Variants in ELMO1 observed in about 807,000 individuals in gnomAD.
ELMO1 encodes the protein engulfment and cell motility 1.
A neutral mutation model predicts 98.9 loss-of-function variants in ELMO1; 26 were observed. The observed-to-expected ratio is 0.26, with a 90% CI of 0.19 to 0.36. The LOEUF (loss-of-function observed/expected upper bound fraction) is 0.36, where lower values mean the gene tolerates loss of function less well. Ranked by LOEUF, ELMO1 falls within the 10% of genes least tolerant of loss-of-function variation. The pLI is 1.00. For synonymous variants in ELMO1, 346 were observed against 346.0 expected (o/e 1.00, Z 0.00); for missense variants, 627 against 935.2 (o/e 0.67, Z 4.30).
chr7:37,311,325 G>T (rs997986383), intron 4 of ELMO1, among the ~76,000 whole-genome samples: 1 of 151,454 alleles, frequency 6.6e-6, no homozygotes, highest in Non-Finnish European at 1.5e-5. Flanking sequence ...GCCAGCTAGA[G>T]AATTTTTTTT....
At chr7:36,945,573 A>G (rs2129099451) in intron 16 of ELMO1, among the ~76,000 whole-genome samples, 1 of 152,360 alleles carries the variant, frequency 6.6e-6, no homozygotes, top group Non-Finnish European at 1.5e-5. Flanking sequence ...TAGTTGAAAA[A>G]TAAGAATGCC....
At position 36,855,165 on chromosome 7, in the gene ELMO1, CCCTTGGTCTGGTGGGCAAGTTTTT is replaced by C; in HGVS notation, c.*362_*385del. 1 of 267,298 alleles carries C rather than the reference CCCTTGGTCTGGTGGGCAAGTTTTT, an allele frequency of 3.7e-6. No homozygotes were observed. The highest frequency in any genetic ancestry group is 9.4e-5 in the East Asian group (1 of 10,674). The allele number at this position is 267,298 out of a possible 1,614,324, so 16.6% of individuals were successfully genotyped here. ...TCCAGACAGGGGCCTTGGGGCACTG[CCCTTGGTCTGGTGGGCAAGTTTTT>C]GGGCAGTCTGGGGCTGCTGGCTTTC... On this transcript the variant is annotated 3_prime_UTR_variant, in exon 22 of 22. Transcript: ENST00000310758. This position sits in a 1 kb window ranked among gnomAD's most constrained non-coding sequence, Gnocchi z 4.2.
intron 1 of ELMO1, among the ~76,000 whole-genome samples, chr7:37,368,421 T>C (rs143270637): frequency 1.2e-3 from 186 of 152,258 alleles, no homozygotes; most frequent in African/African-American, 4.2e-3. Context: ...TTCATCACAA[T>C]ACGGAGCTTT....
intron 4 of ELMO1, among the ~76,000 whole-genome samples, chr7:37,301,083 T>C (rs1484358291): frequency 6.6e-6 from 1 of 152,124 alleles, no homozygotes; most frequent in African/African-American, 2.4e-5. Context: ...TCTCTGATGG[T>C]AGTTTGTATT....
At chr7:37,114,533 C>T (rs1419527047) in intron 14 of ELMO1, among the ~76,000 whole-genome samples, 1 of 152,028 alleles carries the variant, frequency 6.6e-6, no homozygotes, top group Non-Finnish European at 1.5e-5. Flanking sequence ...CCATATTTAG[C>T]GCCATGAAAC....
chr7:37,429,299 T>G (rs1417688482), intron 1 of ELMO1: 1 of 152,268 alleles, frequency 6.6e-6, no homozygotes, highest in African/African-American at 2.4e-5. Flanking sequence ...CCTTCAGTGA[T>G]TCCACATCCA....
At chr7:37,051,847 C>G (rs1021213533) in intron 15 of ELMO1, among the ~76,000 whole-genome samples, 1 of 152,150 alleles carries the variant, frequency 6.6e-6, no homozygotes, top group Non-Finnish European at 1.5e-5. Context: ...GTGGCTTCTT[C>G]TTGGGAGCCT....
Position 37,032,768 on chromosome 7 carries a change from T to C in ELMO1, c.1301-19333A>G, listed in dbSNP as rs62445781. Among the ~76,000 whole-genome samples the C allele has an allele frequency of 1.8e-3, 275 of 152,302 alleles. 3 individuals carry two copies. Among genetic ancestry groups the C allele is most frequent in the Non-Finnish European group, 1.4e-3 (96 of 68,018 alleles). On this transcript the variant is annotated intron_variant, in intron 15 of 21. Transcript: ENST00000310758. The stretch of plus-strand genomic sequence containing the variant: ...GCCAGTTACAAACAACAGAGGTTAG[T>C]TCCTTTCATTCCACTTCAGAAAACA...
chr7:36,994,169 A>G (rs1792047726), intron 16 of ELMO1, among the ~76,000 whole-genome samples: 1 of 152,146 alleles, frequency 6.6e-6, no homozygotes, highest in Non-Finnish European at 1.5e-5. Flanking sequence ...AAAACAATAA[A>G]GTTCCATTTA....
At chr7:37,142,714 G>A (rs7787499) in intron 13 of ELMO1, among the ~76,000 whole-genome samples, 122,141 of 152,166 alleles carry the variant, frequency 0.8, 49,765 homozygotes, top group South Asian at 0.87. Context: ...GCTGACACAG[G>A]AGGGGAGCCA....
intron 16 of ELMO1, among the ~76,000 whole-genome samples, chr7:36,954,808 TG>T (rs1788305672): frequency 6.6e-6 from 1 of 152,214 alleles, no homozygotes; most frequent in African/African-American, 2.4e-5. Flanking sequence ...ACTCATGAGA[TG>T]TCTGCTCAAA....
intron 16 of ELMO1, among the ~76,000 whole-genome samples, chr7:36,964,384 AG>A (rs1406415670): frequency 6.6e-6 from 1 of 152,212 alleles, no homozygotes; most frequent in Non-Finnish European, 1.5e-5. Flanking sequence ...TTTATAATAA[AG>A]GGTTAAGTAT....
chr7:37,044,484 T>C (rs1795695076), intron 15 of ELMO1, among the ~76,000 whole-genome samples: 1 of 152,156 alleles, frequency 6.6e-6, no homozygotes, highest in Non-Finnish European at 1.5e-5. Flanking sequence ...AATCCAGGGG[T>C]GCCTGGTAAG....
chr7:37,232,117 T>C (rs1039163520), intron 8 of ELMO1, among the ~76,000 whole-genome samples: 1 of 152,122 alleles, frequency 6.6e-6, no homozygotes, highest in Non-Finnish European at 1.5e-5. Context: ...CCTCCCAAAG[T>C]CCAATTTGCT....
At chr7:36,909,303 TTC>T (rs1229220068) in intron 16 of ELMO1, among the ~76,000 whole-genome samples, 2 of 152,232 alleles carry the variant, frequency 1.3e-5, no homozygotes, top group African/African-American at 4.8e-5. Flanking sequence ...AGAATTTTAC[TTC>T]TGTTATTATT....
intron 16 of ELMO1, among the ~76,000 whole-genome samples, chr7:36,918,897 G>A (rs2129072543): frequency 6.6e-6 from 1 of 152,198 alleles, no homozygotes; most frequent in South Asian, 2.1e-4. Context: ...CACTTTAAGG[G>A]GTAAGGAAAA....
intron 16 of ELMO1, among the ~76,000 whole-genome samples, chr7:36,971,626 C>T (rs1435390486): frequency 6.6e-6 from 1 of 152,158 alleles, no homozygotes. Context: ...CTAAGCCTGG[C>T]GTTATTTACT....
At chr7:37,007,532 C>T (rs973834446) in intron 16 of ELMO1, among the ~76,000 whole-genome samples, 1 of 152,186 alleles carries the variant, frequency 6.6e-6, no homozygotes, top group Non-Finnish European at 1.5e-5. Context: ...CTTTCATTCC[C>T]TAGGCCAGCT....
At chr7:37,096,908 C>T (rs562140122) in intron 14 of ELMO1, among the ~76,000 whole-genome samples, 181 bp from the exon 15 acceptor site, 1 of 152,196 alleles carries the variant, frequency 6.6e-6, no homozygotes, top group Non-Finnish European at 1.5e-5. Context: ...TTTATCCCCC[C>T]CAAATCTTTG....
Sources: allele counts gnomAD v4.1 joint callset (sites outside exome capture counted in the v4.1 genomes callset), GRCh38; gene constraint gnomAD v4.1.1; non-coding constraint Gnocchi (gnomAD v3.1); transcripts MANE v1.5; gene names NCBI Gene and HGNC (gene_info 2026-07-23, HGNC 2026-07-21).